Variants in ASXL3 observed in about 807,000 individuals in gnomAD.
ASXL3 encodes the protein putative Polycomb group protein ASXL3.
ASXL3 carries 34 observed loss-of-function variants against 170.6 expected under a neutral mutation model. The observed-to-expected ratio is 0.20, with a 90% CI of 0.15 to 0.27. ASXL3 has a LOEUF of 0.27. ASXL3 is among the 10% of genes least tolerant of loss of function. ASXL3 has a pLI of 1.00. For synonymous variants in ASXL3, 1,002 were observed against 989.1 expected (o/e 1.01, Z -0.24); for missense variants, 2,592 against 2,695.3 (o/e 0.96, Z 0.85).
At chr18:33,653,816 T>C (rs1170213063) in intron 4 of ASXL3, among the ~76,000 whole-genome samples, 2 of 152,054 alleles carry the variant, frequency 1.3e-5, no homozygotes, top group Admixed American at 6.6e-5. Flanking sequence ...GAATATTTTT[T>C]TCTTTATGTT....
intron 2 of ASXL3, among the ~76,000 whole-genome samples, chr18:33,634,618 A>G (rs2065737332): frequency 6.6e-6 from 1 of 152,244 alleles, no homozygotes; most frequent in African/African-American, 2.4e-5. Context: ...TAGAGCATGC[A>G]CAGTTTTTTT....
chr18:33,605,899 C>T (rs1164977006), intron 1 of ASXL3, among the ~76,000 whole-genome samples: 1 of 151,824 alleles, frequency 6.6e-6, no homozygotes, highest in Non-Finnish European at 1.5e-5. Flanking sequence ...TATTGACCTC[C>T]TGCCCATATC....
intron 7 of ASXL3, among the ~76,000 whole-genome samples, chr18:33,675,214 A>G (rs1324617885): frequency 6.6e-6 from 1 of 152,144 alleles, no homozygotes; most frequent in Non-Finnish European, 1.5e-5. Context: ...AGCTCCTCCT[A>G]TCTTCTTGAA....
At chr18:33,608,294 T>G (rs2065280333) in intron 2 of ASXL3, among the ~76,000 whole-genome samples, 1 of 151,996 alleles carries the variant, frequency 6.6e-6, no homozygotes, top group African/African-American at 2.4e-5. Flanking sequence ...TCCCAACTAC[T>G]CTTGCCTGTG....
chr18:33,712,205 A>G (rs769743839), intron 8 of ASXL3, among the ~76,000 whole-genome samples: 2 of 152,142 alleles, frequency 1.3e-5, no homozygotes, highest in Non-Finnish European at 2.9e-5. Context: ...TCCACCTGAT[A>G]CATTTATTTA....
rs928604834 is a variant in ASXL3 at position 33,745,153 on chromosome 18, T to A, written c.5305T>A (p.Leu1769Met). Reference sequence around the variant, plus strand: ...GGAAAAAGTGTTGCCACAGCCCAGATTGGGAGCCAAGCTTGAAATCAACAG... The same window carrying A: ...GGAAAAAGTGTTGCCACAGCCCAGAATGGGAGCCAAGCTTGAAATCAACAG... Reference protein sequence around the residue: ...PLEKVLPQPRLGAKLEINRLP... With the variant: ...PLEKVLPQPRMGAKLEINRLP... Residue 1769 changes from leucine to methionine, a missense_variant, in exon 12 of 12, where the codon TTG (leucine) becomes ATG (methionine). Around this residue, in one of 4 missense-constraint regions of ASXL3, gnomAD observed 2,246 missense variants for 2,219.6 expected, o/e 1.01. Coordinates refer to ENST00000269197, the MANE Select transcript of ASXL3 (RefSeq NM_030632.3). The A allele has an allele frequency of 5.6e-6, 9 of 1,613,978 alleles. No individual in the cohort carries two copies. The highest frequency in any genetic ancestry group is 5.9e-6 in the Non-Finnish European group (7 of 1,179,888).
intron 1 of ASXL3, among the ~76,000 whole-genome samples, chr18:33,597,244 G>A (rs911758399): frequency 6.6e-6 from 1 of 152,018 alleles, no homozygotes; most frequent in Non-Finnish European, 1.5e-5. Context: ...TTATATGGCG[G>A]GGATGTGGGT....
chr18:33,628,203 A>G (rs1424657670), intron 2 of ASXL3, among the ~76,000 whole-genome samples: 1 of 152,078 alleles, frequency 6.6e-6, no homozygotes, highest in Non-Finnish European at 1.5e-5. Flanking sequence ...GAAGCTAGGT[A>G]TCTTGCCTAA....
At chr18:33,704,333 A>T (rs1478249204) in intron 8 of ASXL3, among the ~76,000 whole-genome samples, 5 of 152,152 alleles carry the variant, frequency 3.3e-5, no homozygotes, top group Non-Finnish European at 7.4e-5. Flanking sequence ...ATAGATTGTC[A>T]TTAACACAGG....
chr18:33,700,860 A>G (rs982386130), intron 8 of ASXL3, among the ~76,000 whole-genome samples: 1 of 152,068 alleles, frequency 6.6e-6, no homozygotes, highest in Non-Finnish European at 1.5e-5. Flanking sequence ...AAGAAAGAAC[A>G]ATGAACTGGG....
At position 33,750,167 on chromosome 18, in the gene ASXL3, G is replaced by A. The variant is rs2067862371; in HGVS notation, c.*3572G>A. 1.3e-5 allele frequency: 2 copies of A among 152,234 alleles called. No individual in the cohort carries two copies. The highest frequency in any genetic ancestry group is 4.8e-5 in the African/African-American group (2 of 41,450). The allele number at this position is 152,234 out of a possible 1,614,324, so 9.4% of individuals were successfully genotyped here. A position where few individuals can be genotyped will look rare whatever the true frequency, so the allele number is the denominator to read the frequency against. On this transcript the variant is annotated 3_prime_UTR_variant, in exon 12 of 12. Transcript: ENST00000269197. ...GTCACTGTCCATCTGCGTTCCCAGA[G>A]AACAATTGTGAAGAGTCCTAGAACA...
intron 2 of ASXL3, among the ~76,000 whole-genome samples, chr18:33,639,373 G>T (rs528886573): frequency 6.6e-6 from 1 of 152,012 alleles, no homozygotes; most frequent in Admixed American, 6.6e-5. Flanking sequence ...AGTCTTCCTC[G>T]TTGTTCGCCA....
chr18:33,732,473 C>T (rs922906827), intron 9 of ASXL3, among the ~76,000 whole-genome samples: 19 of 152,078 alleles, frequency 1.2e-4, no homozygotes, highest in African/African-American at 4.6e-4. Flanking sequence ...TACAGAATGC[C>T]CAATGCTACT....
At position 33,746,475 on chromosome 18, in the gene ASXL3, G is replaced by A; in HGVS notation, c.6627G>A (p.Leu2209=). 6.2e-7 allele frequency: 1 copy of A among 1,614,058 alleles called. No individual in the cohort carries two copies. The highest frequency in any genetic ancestry group is 8.5e-7 in the Non-Finnish European group (1 of 1,179,906). ...NFADSSNADE[L]ELKCSCRLKA... is the part of the protein sequence containing the mutation. ...CCGACAGCAGCAATGCAGATGAATTGGAACTGAAATGCTCTTGCCGGCTGA... is the reference window on the plus strand; with the variant it reads ...CCGACAGCAGCAATGCAGATGAATTAGAACTGAAATGCTCTTGCCGGCTGA... The change falls in exon 12 of 12, where the codon TTG becomes TTA. Residue 2209 remains leucine, a synonymous_variant. Transcript: ENST00000269197.
chr18:33,649,336 T>C (rs1314637069), intron 4 of ASXL3, among the ~76,000 whole-genome samples: 2 of 152,060 alleles, frequency 1.3e-5, no homozygotes, highest in African/African-American at 4.8e-5. Flanking sequence ...GAAGTGAAGG[T>C]AGGCCAGTAC....
chr18:33,739,571 C>T lies in ASXL3; in HGVS notation c.2167C>T (p.Pro723Ser), dbSNP rs753004676. Residue 723 changes from proline (P) to serine (S), a missense_variant, in exon 11 of 12, where the codon CCT (proline) becomes TCT (serine). This residue lies in a region of ASXL3 where 2,246 missense variants were observed against 2,219.6 expected (regional missense o/e 1.01). Transcript: ENST00000269197. ...TSETSPMSDL[P>S]LTSETSSVSS... ...AGAAACCTCACCGATGTCTGACTTA[C>T]CTTTAACATCAGAAACTTCTTCAGT... 6.2e-7 allele frequency: 1 copy of T among 1,614,006 alleles called. No individual in the cohort carries two copies. Among genetic ancestry groups the T allele is most frequent in the South Asian group, 1.1e-5 (1 of 91,084 alleles).
At chr18:33,618,900 C>G (rs1218486433) in intron 2 of ASXL3, among the ~76,000 whole-genome samples, 2 of 152,082 alleles carry the variant, frequency 1.3e-5, no homozygotes, top group Non-Finnish European at 2.9e-5. Flanking sequence ...AGGAAAGGAA[C>G]TCATACCTTT....
intron 8 of ASXL3, among the ~76,000 whole-genome samples, chr18:33,713,265 T>TTTTTTTTTTTTTTTTTTTTG (rs2067106548): frequency 8.2e-6 from 1 of 121,216 alleles, no homozygotes; most frequent in African/African-American, 3.3e-5. Context: ...TTTTTTTTTT[T>TTTTTTTTTTTTTTTTTTTTG]TTTTTTTTTG....
chr18:33,672,095 G>A (rs755423950), intron 7 of ASXL3, among the ~76,000 whole-genome samples: 7 of 152,040 alleles, frequency 4.6e-5, no homozygotes, highest in Non-Finnish European at 1.0e-4. Flanking sequence ...TGAAGCAGAG[G>A]GTAAAAATGA....
Sources: allele counts gnomAD v4.1 joint callset (sites outside exome capture counted in the v4.1 genomes callset), GRCh38; gene constraint gnomAD v4.1.1; regional missense constraint gnomAD v4.1.1; transcripts MANE v1.5; gene names NCBI Gene and HGNC (gene_info 2026-07-23, HGNC 2026-07-21).